The following CACNA1C variants were observed in gnomAD, a reference collection of about 807,000 sequenced individuals.
CACNA1C encodes voltage-dependent L-type calcium channel subunit alpha-1C.
A neutral mutation model predicts 229.0 loss-of-function variants in CACNA1C; 30 were observed. The observed-to-expected ratio is 0.13, with a 90% CI of 0.10 to 0.18. The LOEUF is 0.18. Ranked by LOEUF, CACNA1C falls within the 10% of genes least tolerant of loss-of-function variation. The probability of loss-of-function intolerance (pLI) is 1.00; values close to 1 mark genes in which losing one functional copy is unlikely to be tolerated. For missense variants in CACNA1C, 1,658 were observed against 2,845.0 expected (o/e 0.58, Z 9.49); for synonymous variants, 1,114 against 1,132.5 (o/e 0.98, Z 0.33).
At chr12:2,083,243 G>A (rs1005955062) in intron 1 of CACNA1C, among the ~76,000 whole-genome samples, 10 of 152,232 alleles carry the variant, frequency 6.6e-5, no homozygotes, top group Non-Finnish European at 1.0e-4. Context: ...GACAGATGGT[G>A]TCTTACAGGC....
rs1412340813 is a variant in CACNA1C, at chr12:2,148,687, A to G, written c.477+28257A>G. 1.3e-5 allele frequency among the ~76,000 whole-genome samples: 2 copies of G among 151,114 alleles called. 1 individual carries two copies. Among genetic ancestry groups the G allele is most frequent in the Non-Finnish European group, 3.0e-5 (2 of 67,570 alleles). On this transcript the variant is annotated intron_variant, in intron 3 of 46. Transcript: ENST00000399655. ...CTCAGCCTCCTGAGTATCTGGGACT[A>G]CAAGGCATGTGACACTACACCCGGC...
intron 3 of CACNA1C, among the ~76,000 whole-genome samples, chr12:2,251,498 G>A (rs754092057): frequency 9.2e-5 from 14 of 152,260 alleles, no homozygotes; most frequent in Middle Eastern, 3.4e-3. Flanking sequence ...CAGGGAGGCC[G>A]CAGGTGCTTA....
At chr12:1,994,360 T>C (rs2040280833) in intron 1 of CACNA1C, among the ~76,000 whole-genome samples, 1 of 152,236 alleles carries the variant, frequency 6.6e-6, no homozygotes, top group Non-Finnish European at 1.5e-5. Context: ...GTCTTAGTTT[T>C]ATTTTACCTC....
At chr12:2,611,293 A>G (rs1349941001) in intron 28 of CACNA1C, among the ~76,000 whole-genome samples, 7 of 128,526 alleles carry the variant, frequency 5.4e-5, no homozygotes, top group South Asian at 3.0e-4. Flanking sequence ...TGGTTGATCA[A>G]TGGAGAGAGG....
At chr12:2,032,135 C>T (rs539738492) in intron 1 of CACNA1C, among the ~76,000 whole-genome samples, 6 of 152,100 alleles carry the variant, frequency 3.9e-5, no homozygotes, top group Admixed American at 6.5e-5. Flanking sequence ...GCGGCAGTCT[C>T]GGTAACCGGA....
chr12:2,400,657 C>T (rs1439674921), intron 3 of CACNA1C, among the ~76,000 whole-genome samples: 1 of 152,168 alleles, frequency 6.6e-6, no homozygotes, highest in Non-Finnish European at 1.5e-5. Flanking sequence ...TCTGTGCCCC[C>T]ACAGCACTCT....
chr12:2,556,649 AC>A (rs2044456006), intron 10 of CACNA1C, among the ~76,000 whole-genome samples: 1 of 152,182 alleles, frequency 6.6e-6, no homozygotes, highest in African/African-American at 2.4e-5. Flanking sequence ...GTCTCAAGAT[AC>A]AGCTCTTCCT....
chr12:2,566,644 G>A lies in CACNA1C; in HGVS notation c.1669+62G>A. ...TGGTAACTCAGCCCCAAGGCCCAGG[G>A]GAGGGCATAACCACAGGCAGAAGGT... On this transcript the variant is annotated intron_variant, in intron 12 of 46. Transcript: ENST00000399655. This position sits in a 1 kb window ranked among gnomAD's most constrained non-coding sequence, Gnocchi z 4.0. 2 of 1,418,632 alleles carry A rather than the reference G, an allele frequency of 1.4e-6. No homozygotes were observed. The highest frequency in any genetic ancestry group is 1.9e-6 in the Non-Finnish European group (2 of 1,039,356). 87.9% of individuals were successfully genotyped at this position (1,418,632 alleles called of 1,614,324 possible).
intron 3 of CACNA1C, among the ~76,000 whole-genome samples, chr12:2,259,637 T>C (rs1208452649): frequency 1.3e-5 from 2 of 152,140 alleles, no homozygotes; most frequent in Admixed American, 6.5e-5. Context: ...AGACTAAGCA[T>C]TGTATCAGAT....
chr12:2,642,057 C>T (rs2093772289), intron 30 of CACNA1C, among the ~76,000 whole-genome samples: 1 of 152,156 alleles, frequency 6.6e-6, no homozygotes, highest in South Asian at 2.1e-4. Flanking sequence ...TGGCCTGGTG[C>T]AGCAAGTCTT....
At chr12:2,030,945 C>T (rs542512771) in intron 1 of CACNA1C, among the ~76,000 whole-genome samples, 67 of 152,318 alleles carry the variant, frequency 4.4e-4, no homozygotes, top group South Asian at 8.3e-4. Context: ...CAAGCTTTGT[C>T]CTGACATCTT....
Position 2,695,206 on chromosome 12 carries a change from T to G in CACNA1C, c.*4007T>G, listed in dbSNP as rs80283260. The stretch of plus-strand genomic sequence containing the variant: ...AGAATGGAGGCAAGAAAAGGGCATA[T>G]TTTGACTCCCTCTGTGCCTCTTCCC... On this transcript the variant is annotated 3_prime_UTR_variant, in exon 47 of 47. Coordinates refer to ENST00000399655, the MANE Select transcript of CACNA1C (RefSeq NM_000719.7). 13 of 152,286 alleles carry G rather than the reference T, an allele frequency of 8.5e-5. No individual in the cohort carries two copies. The highest frequency in any genetic ancestry group is 4.1e-4 in the South Asian group (2 of 4,830). 9.4% of individuals were successfully genotyped at this position (152,286 alleles called of 1,614,324 possible).
chr12:2,158,423 A>G (rs1337296270), intron 3 of CACNA1C, among the ~76,000 whole-genome samples: 1 of 152,202 alleles, frequency 6.6e-6, no homozygotes, highest in African/African-American at 2.4e-5. Context: ...CAAAGATACA[A>G]AAAATTAGCG....
At position 2,689,688 on chromosome 12, in the gene CACNA1C, A is replaced by G. The variant is rs558473268; in HGVS notation, c.6117+909A>G. On this transcript the variant is annotated intron_variant, in intron 46 of 46. Coordinates refer to ENST00000399655, the MANE Select transcript of CACNA1C (RefSeq NM_000719.7). This position sits in a 1 kb window ranked among gnomAD's most constrained non-coding sequence, Gnocchi z 4.2. The stretch of plus-strand genomic sequence containing the variant: ...AGGTGGCTTCCAAGGTTTACCTCTC[A>G]AAGTCTGGTATTCCTGTGGCCTCGA... Among the ~76,000 whole-genome samples the G allele has an allele frequency of 3.9e-5, 6 of 152,170 alleles. No homozygotes were observed. In the South Asian group the frequency reaches 1.0e-3, roughly 26 times the overall value.
rs1311886841 is a variant in CACNA1C at position 2,067,844 on chromosome 12, C to A, written c.49+14233C>A. Among the ~76,000 whole-genome samples the A allele has an allele frequency of 6.6e-6, 1 of 152,174 alleles. No homozygotes were observed. The highest frequency in any genetic ancestry group is 1.5e-5 in the Non-Finnish European group (1 of 68,026). On this transcript the variant is annotated intron_variant, in intron 1 of 46. Coordinates refer to ENST00000399655, the MANE Select transcript of CACNA1C (RefSeq NM_000719.7). The surrounding 1 kb of genome is among the most constrained non-coding windows in gnomAD (Gnocchi z 5.3). The stretch of plus-strand genomic sequence containing the variant: ...AGAATACTTACCTTCACACTGTTCC[C>A]ACCCCTGTCTTTCCATGCCCTTCCA...
chr12:2,080,017 T>C (rs551806385), intron 1 of CACNA1C, among the ~76,000 whole-genome samples: 21 of 152,272 alleles, frequency 1.4e-4, no homozygotes, highest in African/African-American at 4.6e-4. Context: ...TCCCAACACT[T>C]TGGGAGGCTG....
At chr12:2,328,032 G>A (rs115046894) in intron 3 of CACNA1C, among the ~76,000 whole-genome samples, 1,760 of 152,280 alleles carry the variant, frequency 0.012, 37 homozygotes, top group African/African-American at 0.039. Flanking sequence ...CCCTAGATAG[G>A]GGGGCAGTTC....
chr12:2,677,570 C>A lies in CACNA1C; in HGVS notation c.4957-163C>A. The A allele has an allele frequency of 1.3e-6, 1 of 778,898 alleles. No individual in the cohort carries two copies. The highest frequency in any genetic ancestry group is 2.1e-6 in the Non-Finnish European group (1 of 480,304). The allele number at this position is 778,898 out of a possible 1,614,324, so 48.2% of individuals were successfully genotyped here. The stretch of plus-strand genomic sequence containing the variant: ...AGTGGATTGTTCCATCAGAGGGCAG[C>A]CCAGCCCCCAGTTCACACACACACA... On this transcript the variant is annotated intron_variant, in intron 40 of 46. Transcript: ENST00000399655. This position sits in a 1 kb window ranked among gnomAD's most constrained non-coding sequence, Gnocchi z 7.4.
At chr12:2,577,203 G>A (rs778905190) in intron 13 of CACNA1C, among the ~76,000 whole-genome samples, 19 of 152,252 alleles carry the variant, frequency 1.2e-4, no homozygotes, top group Non-Finnish European at 2.2e-4. Context: ...CTGTCTGTCT[G>A]TCTGAGCCAT....
Sources: gnomAD v4.1 joint callset for allele counts (sites outside exome capture counted in the v4.1 genomes callset) on GRCh38, gnomAD v4.1.1 for gene constraint, Gnocchi (gnomAD v3.1) non-coding constraint, MANE v1.5 for transcripts, NCBI Gene and HGNC (gene_info 2026-07-23, HGNC 2026-07-21) for gene names.